The following IFT80 variants were observed in gnomAD, a reference collection of about 807,000 sequenced individuals.
IFT80 encodes intraflagellar transport 80, also known as intraflagellar transport protein 80 homolog.
Under a neutral mutation model 107.9 loss-of-function variants are expected in IFT80, and 79 were observed. The ratio of observed to expected loss-of-function variants is 0.73; its 90% CI spans 0.61 to 0.88. IFT80 has a LOEUF of 0.88. Ranked by LOEUF, IFT80 falls within the 40% of genes least tolerant of loss-of-function variation. The pLI is 0.00. For synonymous variants in IFT80, 299 were observed against 300.9 expected, an observed-to-expected ratio of 0.99 and a Z score of 0.07; for missense variants, 797 against 914.2, an observed-to-expected ratio of 0.87 and a Z score of 1.65.
rs1171712534 is a variant in IFT80, at chr3:160,368,513, GGTACTCCTCCTTTTTCT to G, written c.440-2378_440-2362del. 2.0e-5 allele frequency among the ~76,000 whole-genome samples: 3 copies of G among 151,882 alleles called. No homozygotes were observed. The East Asian group carries it at 5.8e-4, about 29-fold the overall frequency. ...CCTGATGAGATGGCCAACCTCAGAA[GGTACTCCTCCTTTTTCT>G]GTACTTGATGAGTATATTTTCTGGG... On this transcript the variant is annotated intron_variant, in intron 5 of 19. Transcript: ENST00000326448.
chr3:160,275,533 T>C (rs1326044243), intron 18 of IFT80, among the ~76,000 whole-genome samples: 1 of 152,216 alleles, frequency 6.6e-6, no homozygotes, highest in Non-Finnish European at 1.5e-5. Flanking sequence ...TAGTTAATAT[T>C]CATTCTATGT....
chr3:160,303,236 T>C (rs750916196), intron 11 of IFT80, among the ~76,000 whole-genome samples: 5 of 152,224 alleles, frequency 3.3e-5, no homozygotes, highest in Non-Finnish European at 5.9e-5. Flanking sequence ...TATTGGGTTG[T>C]AGCTGTCTAA....
chr3:160,323,963 C>G (rs1718477857), intron 8 of IFT80, among the ~76,000 whole-genome samples: 1 of 152,114 alleles, frequency 6.6e-6, no homozygotes, highest in Non-Finnish European at 1.5e-5. Context: ...ACCGATCCCA[C>G]AGAAATACAA....
intron 5 of IFT80, among the ~76,000 whole-genome samples, chr3:160,371,426 T>C (rs1282843296): frequency 6.6e-6 from 1 of 152,172 alleles, no homozygotes; most frequent in Non-Finnish European, 1.5e-5. Flanking sequence ...ATTACAATTA[T>C]TTATTTATTA....
intron 19 of IFT80, among the ~76,000 whole-genome samples, chr3:160,263,996 C>T (rs1161422353): frequency 1.3e-5 from 2 of 152,114 alleles, no homozygotes. Context: ...GAGACAACGT[C>T]TCACTATATT....
intron 18 of IFT80, among the ~76,000 whole-genome samples, chr3:160,272,034 C>T (rs1713849509): frequency 6.6e-6 from 1 of 151,624 alleles, no homozygotes; most frequent in African/African-American, 2.4e-5. Context: ...TAAAGTACAC[C>T]ACAAAGATGC....
intron 8 of IFT80, among the ~76,000 whole-genome samples, chr3:160,329,384 G>A (rs1268086911): frequency 2.0e-5 from 3 of 152,160 alleles, no homozygotes; most frequent in African/African-American, 7.2e-5. Flanking sequence ...GGTACTGGCA[G>A]TGAGAACCCT....
In IFT80 at chr3:160,359,416, C is replaced by A. The variant is rs538725404; in HGVS notation, c.550-1838G>T. Reference sequence around the variant, plus strand: ...ATAGGAATAGCTCTGGTCTGCAGCTCCCAGTGTGATCGACACAGAAGACGG... The same window carrying A: ...ATAGGAATAGCTCTGGTCTGCAGCTACCAGTGTGATCGACACAGAAGACGG... On this transcript the variant is annotated intron_variant, in intron 6 of 19. Transcript: ENST00000326448. 1.2e-4 allele frequency among the ~76,000 whole-genome samples: 18 copies of A among 152,242 alleles called. No individual in the cohort carries two copies. The South Asian group carries it at 3.5e-3, about 30-fold the overall frequency.
rs184413952 is a variant in IFT80 at position 160,303,997 on chromosome 3, A to G, written c.1077-8T>C. 16 of 1,578,400 alleles carry G rather than the reference A, an allele frequency of 1.0e-5. No individual in the cohort carries two copies. In the Admixed American group the frequency reaches 1.5e-4, roughly 15 times the overall value. On this transcript the variant is annotated splice_polypyrimidine_tract_variant and splice_region_variant and intron_variant, in intron 10 of 19. Transcript: ENST00000326448. ...GTGTTCCAGTTCTTCGTGCTAAAAG[A>G]CAAGTAAAATGGATATTTATTAACA... is the stretch of plus-strand genomic sequence containing the variant.
rs771431206 is a variant in IFT80 at position 160,277,665 on chromosome 3, T to C, written c.1842A>G (p.Gln614=). The C allele has an allele frequency of 6.2e-7, 1 of 1,612,182 alleles. No individual in the cohort carries two copies. The highest frequency in any genetic ancestry group is 8.5e-7 in the Non-Finnish European group (1 of 1,178,560). Residue 614 remains glutamine, a synonymous_variant, in exon 17 of 20, where the codon CAA becomes CAG. Coordinates refer to ENST00000326448, the MANE Select transcript of IFT80 (RefSeq NM_020800.3). Reference sequence around the variant, plus strand: ...TAGCAGCTAGACAAGCCCACATGGTTTGCTCCTAAAGTAAAGTATGAGAAC... The same window carrying C: ...TAGCAGCTAGACAAGCCCACATGGTCTGCTCCTAAAGTAAAGTATGAGAAC... ...AVRLCRFVKE[Q]TMWACLAAMA...
intron 8 of IFT80, among the ~76,000 whole-genome samples, chr3:160,339,318 A>G (rs757332956): frequency 6.6e-6 from 1 of 152,226 alleles, no homozygotes; most frequent in Non-Finnish European, 1.5e-5. Context: ...TTGAGCTAAA[A>G]TAAGTATATC....
intron 1 of IFT80, among the ~76,000 whole-genome samples, chr3:160,396,998 A>C (rs1459703652): frequency 6.6e-6 from 1 of 152,156 alleles, no homozygotes; most frequent in Non-Finnish European, 1.5e-5. Context: ...GGTTCAATTA[A>C]ATTTAAGGCC....
intron 13 of IFT80, among the ~76,000 whole-genome samples, chr3:160,285,156 T>C (rs1259153118): frequency 6.6e-6 from 1 of 152,044 alleles, no homozygotes; most frequent in Non-Finnish European, 1.5e-5. Context: ...CTGGGCAACA[T>C]GGCGAAACCC....
At chr3:160,293,722 T>C (rs1474344205) in intron 12 of IFT80, among the ~76,000 whole-genome samples, 2 of 152,086 alleles carry the variant, frequency 1.3e-5, no homozygotes, top group Non-Finnish European at 2.9e-5. Flanking sequence ...AGGATAGCGG[T>C]TGGTCACCAG....
intron 12 of IFT80, among the ~76,000 whole-genome samples, chr3:160,293,693 T>C (rs1715749533): frequency 6.6e-6 from 1 of 152,186 alleles, no homozygotes; most frequent in South Asian, 2.1e-4. Context: ...GTGACTCTGG[T>C]GAGCCCCTAG....
chr3:160,339,618 A>AAAAAGT (rs1458999864), intron 8 of IFT80, among the ~76,000 whole-genome samples: 1 of 152,222 alleles, frequency 6.6e-6, no homozygotes, highest in Non-Finnish European at 1.5e-5. Flanking sequence ...ACAGAATATG[A>AAAAAGT]AAAAGTAAAC....
intron 8 of IFT80, among the ~76,000 whole-genome samples, chr3:160,345,941 A>T (rs1720260132): frequency 6.6e-6 from 1 of 152,182 alleles, no homozygotes; most frequent in Non-Finnish European, 1.5e-5. Flanking sequence ...GAGGGAATGG[A>T]TACCCCATTT....
At chr3:160,344,321 ATTTAAG>A (rs1720128528) in intron 8 of IFT80, among the ~76,000 whole-genome samples, 1 of 152,030 alleles carries the variant, frequency 6.6e-6, no homozygotes, top group Non-Finnish European at 1.5e-5. Context: ...CTTTGAGCAT[ATTTAAG>A]ATCACTGATT....
chr3:160,265,291 A>C (rs895201561), intron 19 of IFT80, among the ~76,000 whole-genome samples: 13 of 152,182 alleles, frequency 8.5e-5, no homozygotes, highest in African/African-American at 2.9e-4. Flanking sequence ...AATTCCTCCA[A>C]ACTTAAAACC....
Sources: gnomAD v4.1 joint callset for allele counts (sites outside exome capture counted in the v4.1 genomes callset) on GRCh38, gnomAD v4.1.1 for gene constraint, MANE v1.5 for transcripts, NCBI Gene and HGNC (gene_info 2026-07-23, HGNC 2026-07-21) for gene names.